AUTS2: variants seen among roughly 807,000 people sequenced by gnomAD.
AUTS2 encodes autism susceptibility gene 2 protein.
A neutral mutation model predicts 112.4 loss-of-function variants in AUTS2; 17 were observed. That is an observed-to-expected ratio of 0.15 (90% CI 0.10 to 0.23). The LOEUF is 0.23. AUTS2 is among the 10% of genes least tolerant of loss of function. AUTS2 has a pLI of 1.00. For synonymous variants in AUTS2, 751 were observed against 702.7 expected, an observed-to-expected ratio of 1.07 and a Z score of -1.09; for missense variants, 1,510 against 1,701.6, an observed-to-expected ratio of 0.89 and a Z score of 1.98.
intron 5 of AUTS2, among the ~76,000 whole-genome samples, chr7:70,649,348 C>T (rs777454790): frequency 2.6e-5 from 4 of 151,920 alleles, no homozygotes; most frequent in African/African-American, 4.8e-5. Flanking sequence ...GGCAATGAGC[C>T]AAGATCATGC....
chr7:69,632,057 A>G (rs1794268790), intron 1 of AUTS2, among the ~76,000 whole-genome samples: 1 of 152,198 alleles, frequency 6.6e-6, no homozygotes, highest in South Asian at 2.1e-4. Flanking sequence ...ATTAAATGTT[A>G]TCAAATAGGT....
intron 5 of AUTS2, among the ~76,000 whole-genome samples, chr7:70,515,845 G>A (rs1799394360): frequency 6.6e-6 from 1 of 152,140 alleles, no homozygotes; most frequent in Admixed American, 6.5e-5. Context: ...ACCAGTTTCT[G>A]ACAGGCAATG....
chr7:70,130,216 A>C (rs1265110369), intron 3 of AUTS2, among the ~76,000 whole-genome samples: 1 of 152,174 alleles, frequency 6.6e-6, no homozygotes, highest in East Asian at 1.9e-4. Context: ...ACACATTCTC[A>C]CCTAGGGGTG....
At chr7:70,651,294 T>C (rs1158604726) in intron 5 of AUTS2, among the ~76,000 whole-genome samples, 1 of 152,226 alleles carries the variant, frequency 6.6e-6, no homozygotes, top group African/African-American at 2.4e-5. Flanking sequence ...CTTCATAGCC[T>C]GCCCCCTCTC....
intron 5 of AUTS2, among the ~76,000 whole-genome samples, chr7:70,535,034 T>TA (rs11350780): frequency 0.011 from 1,540 of 134,598 alleles, 11 homozygotes; most frequent in Non-Finnish European, 0.017. Context: ...ATCTATTTCA[T>TA]AAAAAAAAAA....
At chr7:69,661,701 A>G (rs1275983785) in intron 1 of AUTS2, among the ~76,000 whole-genome samples, 1 of 152,216 alleles carries the variant, frequency 6.6e-6, no homozygotes, top group Non-Finnish European at 1.5e-5. Flanking sequence ...GTAGTGTTCC[A>G]CAGTGTAAGA....
intron 4 of AUTS2, among the ~76,000 whole-genome samples, chr7:70,405,953 A>G (rs1307452247): frequency 2.6e-5 from 4 of 152,080 alleles, no homozygotes; most frequent in Admixed American, 6.6e-5. Flanking sequence ...GTTTTTTTCT[A>G]GGGGGGATTG....
chr7:70,160,606 T>C (rs1016628524), intron 4 of AUTS2, among the ~76,000 whole-genome samples: 5 of 152,190 alleles, frequency 3.3e-5, no homozygotes, highest in Admixed American at 2.0e-4. Flanking sequence ...AGTGTAAGCT[T>C]TCTGACAGTT....
intron 2 of AUTS2, among the ~76,000 whole-genome samples, chr7:69,990,864 T>A (rs1054121518): frequency 2.6e-5 from 4 of 152,204 alleles, no homozygotes; most frequent in Non-Finnish European, 4.4e-5. Context: ...AGTGTCATGT[T>A]GGTGTTCAAA....
chr7:69,614,370 T>TTCTTTCTTTTC (rs1583942896), intron 1 of AUTS2, among the ~76,000 whole-genome samples: 1 of 28,556 alleles, frequency 3.5e-5, no homozygotes, highest in African/African-American at 9.8e-5. Context: ...CTTTCTTTTT[T>TTCTTTCTTTTC]TAAGAGATGG....
intron 2 of AUTS2, among the ~76,000 whole-genome samples, chr7:70,073,945 T>C (rs1802906632): frequency 6.6e-6 from 1 of 152,330 alleles, no homozygotes; most frequent in South Asian, 2.1e-4. Context: ...AAAATACTTA[T>C]CTGTGAAAGG....
intron 1 of AUTS2, among the ~76,000 whole-genome samples, chr7:69,880,888 A>C (rs1392646897): frequency 6.6e-6 from 1 of 152,186 alleles, no homozygotes; most frequent in Admixed American, 6.5e-5. Flanking sequence ...AGCTCCTCTC[A>C]TGGTGAGAGA....
At chr7:70,665,435 TTATTTATC>T (rs58039744) in intron 5 of AUTS2, among the ~76,000 whole-genome samples, 3 of 131,402 alleles carry the variant, frequency 2.3e-5, no homozygotes, top group Admixed American at 7.5e-5. Flanking sequence ...AGCTGTTTAT[TTATTTATC>T]TATTTATCTA....
intron 4 of AUTS2, among the ~76,000 whole-genome samples, chr7:70,247,348 G>T (rs1812977529): frequency 6.6e-6 from 1 of 152,122 alleles, no homozygotes; most frequent in African/African-American, 2.4e-5. Flanking sequence ...AATGGTGATT[G>T]TCAGAGGCTG....
intron 1 of AUTS2, among the ~76,000 whole-genome samples, chr7:69,736,440 A>G (rs1279180902): frequency 1.3e-5 from 2 of 152,206 alleles, no homozygotes; most frequent in African/African-American, 2.4e-5. Flanking sequence ...TTGTAGGTTT[A>G]TGGCCTAGAT....
intron 3 of AUTS2, among the ~76,000 whole-genome samples, chr7:70,124,885 A>G (rs1805881387): frequency 6.6e-6 from 1 of 152,202 alleles, no homozygotes; most frequent in African/African-American, 2.4e-5. Context: ...TTTAATGCCT[A>G]TCAGAGAGTG....
At chr7:69,942,051 C>T (rs907968152) in intron 2 of AUTS2, among the ~76,000 whole-genome samples, 2 of 152,152 alleles carry the variant, frequency 1.3e-5, no homozygotes, top group East Asian at 1.9e-4. Context: ...ATTGAGAATA[C>T]GTAGAAAATT....
intron 5 of AUTS2, among the ~76,000 whole-genome samples, chr7:70,476,438 C>A (rs1013579026): frequency 6.6e-6 from 1 of 152,156 alleles, no homozygotes; most frequent in Non-Finnish European, 1.5e-5. Flanking sequence ...TTAAACAAGA[C>A]CAGAGACAGA....
At chr7:69,605,477 A>C (rs1176013876) in intron 1 of AUTS2, among the ~76,000 whole-genome samples, 1 of 152,168 alleles carries the variant, frequency 6.6e-6, no homozygotes, top group Non-Finnish European at 1.5e-5. Context: ...ATACTAGCCC[A>C]ATTCTGATGC....
Sources: allele counts gnomAD v4.1 joint callset (sites outside exome capture counted in the v4.1 genomes callset), GRCh38; gene constraint gnomAD v4.1.1; transcripts MANE v1.5; gene names NCBI Gene and HGNC (gene_info 2026-07-23, HGNC 2026-07-21).